ASZ1: variants seen among roughly 807,000 people sequenced by gnomAD.
The protein encoded by ASZ1 is ankyrin repeat, SAM and basic leucine zipper domain containing 1, also known as ankyrin repeat, SAM and basic leucine zipper domain-containing protein 1.
A neutral mutation model predicts 61.8 loss-of-function variants in ASZ1; 67 were observed. That is an observed-to-expected ratio of 1.08 (90% CI 0.89 to 1.33). ASZ1 has a LOEUF of 1.33. Among genes scored for constraint, ASZ1 ranks in the 40% most tolerant of loss-of-function variants. The pLI is 0.00. For synonymous variants in ASZ1, 193 were observed against 192.7 expected (o/e 1.00, Z -0.01); for missense variants, 577 against 554.5 (o/e 1.04, Z -0.41).
At chr7:117,369,609 C>G (rs888272353) in intron 10 of ASZ1, among the ~76,000 whole-genome samples, 1 of 152,128 alleles carries the variant, frequency 6.6e-6, no homozygotes, top group African/African-American at 2.4e-5. Flanking sequence ...GGCAGTCTTA[C>G]TGTGGGGAGG....
At chr7:117,389,289 T>C (rs114887451) in intron 4 of ASZ1, among the ~76,000 whole-genome samples, 274 of 152,190 alleles carry the variant, frequency 1.8e-3, no homozygotes, top group African/African-American at 5.8e-3. Context: ...GTAGTGAATA[T>C]AGTACCTAAT....
At chr7:117,379,852 A>G (rs1796216389) in intron 10 of ASZ1, 86 bp downstream of exon 10, 1 of 847,474 alleles carries the variant, frequency 1.2e-6, no homozygotes, top group South Asian at 2.0e-5. Flanking sequence ...ATCAAGTAAA[A>G]TGACTCAGAC....
Position 117,426,878 on chromosome 7 carries a change from T to C in ASZ1, c.163A>G (p.Thr55Ala). The part of the protein sequence containing the change: ...EKKEKFKKAM[T>A]IGDVSLVQEL... ...TGGACCAATGAAACATCTCCGATGG[T>C]CATTGCTTTCTTAAATTTTTCTTTC... The change falls in exon 2 of 13, where the codon ACC becomes GCC. Residue 55 changes from threonine to alanine, a missense_variant. Transcript: ENST00000284629. 6.2e-7 allele frequency: 1 copy of C among 1,613,370 alleles called. No individual in the cohort carries two copies. Among genetic ancestry groups the C allele is most frequent in the African/African-American group, 1.3e-5 (1 of 74,968 alleles).
chr7:117,378,609 A>G (rs531153324), intron 10 of ASZ1, among the ~76,000 whole-genome samples: 2 of 152,088 alleles, frequency 1.3e-5, no homozygotes, highest in Non-Finnish European at 2.9e-5. Flanking sequence ...ATTCTGGAAA[A>G]CAGTTGGGCA....
At chr7:117,387,324 A>G (rs974072821) in intron 4 of ASZ1, among the ~76,000 whole-genome samples, 3 of 151,494 alleles carry the variant, frequency 2.0e-5, no homozygotes, top group African/African-American at 7.3e-5. Context: ...CAACAACAAC[A>G]ACAACAACAA....
chr7:117,373,973 T>C (rs1158407882), intron 10 of ASZ1, among the ~76,000 whole-genome samples: 1 of 152,128 alleles, frequency 6.6e-6, no homozygotes, highest in African/African-American at 2.4e-5. Flanking sequence ...TCCTCACAAG[T>C]GAAATCCTTC....
rs754875854 is a variant in ASZ1 at position 117,381,070 on chromosome 7, G to A, written c.889-3C>T. The stretch of plus-strand genomic sequence containing the variant: ...TGTCTTAACGTTATATCCCTTTCCT[G>A]TATAAAAGGAAAAAAAGGCCACCTT... On this transcript the variant is annotated splice_polypyrimidine_tract_variant and splice_region_variant and intron_variant, in intron 8 of 12. Coordinates refer to ENST00000284629, the MANE Select transcript of ASZ1 (RefSeq NM_130768.3). The A allele has an allele frequency of 2.0e-5, 31 of 1,557,472 alleles. 1 individual carries two copies. The South Asian group carries it at 3.1e-4, about 16-fold the overall frequency.
chr7:117,412,169 G>A (rs1212562045), intron 4 of ASZ1, among the ~76,000 whole-genome samples: 4 of 151,388 alleles, frequency 2.6e-5, no homozygotes, highest in East Asian at 1.9e-4. Flanking sequence ...CTATCCTGGG[G>A]CAGAGAATTT....
intron 4 of ASZ1, among the ~76,000 whole-genome samples, chr7:117,403,478 G>A (rs1360970244): frequency 7.9e-5 from 12 of 152,090 alleles, no homozygotes; most frequent in African/African-American, 2.4e-5. Flanking sequence ...TTGTGTTACC[G>A]TGATTATGTT....
chr7:117,410,415 G>A (rs4571678), intron 4 of ASZ1, among the ~76,000 whole-genome samples: 18,482 of 151,384 alleles, frequency 0.12, 2,552 homozygotes, highest in African/African-American at 0.34. Flanking sequence ...TCTTAATAGC[G>A]TAACTCAAAA....
intron 4 of ASZ1, among the ~76,000 whole-genome samples, chr7:117,392,095 A>G (rs1213282865): frequency 6.6e-6 from 1 of 152,106 alleles, no homozygotes; most frequent in Non-Finnish European, 1.5e-5. Context: ...GCCCGGCCTC[A>G]TATGACTTTT....
At chr7:117,377,087 G>C (rs1352820772) in intron 10 of ASZ1, among the ~76,000 whole-genome samples, 1 of 152,278 alleles carries the variant, frequency 6.6e-6, no homozygotes, top group East Asian at 1.9e-4. Context: ...GAAATGTACA[G>C]TCGAGACACA....
intron 4 of ASZ1, among the ~76,000 whole-genome samples, chr7:117,403,793 G>A (rs1261086488): frequency 6.6e-6 from 1 of 152,144 alleles, no homozygotes; most frequent in Non-Finnish European, 1.5e-5. Context: ...CTGGTCTGTG[G>A]CCTGTTAGGA....
chr7:117,403,200 T>C (rs1796712941), intron 4 of ASZ1, among the ~76,000 whole-genome samples: 1 of 152,250 alleles, frequency 6.6e-6, no homozygotes, highest in South Asian at 2.1e-4. Flanking sequence ...AAACGTTACG[T>C]ACCAAGCACC....
intron 4 of ASZ1, among the ~76,000 whole-genome samples, chr7:117,392,374 T>C (rs1796487468): frequency 6.6e-6 from 1 of 152,224 alleles, no homozygotes; most frequent in South Asian, 2.1e-4. Flanking sequence ...GCAGTGTTTT[T>C]CAGTTCTCCT....
chr7:117,418,601 C>A (rs1049281702), intron 4 of ASZ1, among the ~76,000 whole-genome samples: 1 of 151,306 alleles, frequency 6.6e-6, no homozygotes, highest in African/African-American at 2.4e-5. Context: ...TGCAGTGAGC[C>A]AAGATCGTGC....
intron 4 of ASZ1, among the ~76,000 whole-genome samples, chr7:117,415,763 AAC>A (rs1796978769): frequency 6.6e-6 from 1 of 152,200 alleles, no homozygotes; most frequent in South Asian, 2.1e-4. Context: ...TGAAATATAA[AAC>A]AACAACAAAA....
Position 117,420,020 on chromosome 7 carries a change from T to C in ASZ1, c.440+143A>G, listed in dbSNP as rs549986185. The C allele has an allele frequency of 2.8e-4, 153 of 551,300 alleles. 2 individuals are homozygous for C. In the East Asian group the frequency reaches 3.5e-3, roughly 13 times the overall value. 34.2% of individuals were successfully genotyped at this position (551,300 alleles called of 1,614,324 possible). On this transcript the variant is annotated intron_variant, in intron 4 of 12. Transcript: ENST00000284629. ...ATATCCCCTTCCTCTGATAATCTTA[T>C]AGAATTGGAACAATGACCTTATGAA...
At chr7:117,379,383 AAAT>A (rs1335853380) in intron 10 of ASZ1, among the ~76,000 whole-genome samples, 1 of 151,522 alleles carries the variant, frequency 6.6e-6, no homozygotes, top group Non-Finnish European at 1.5e-5. Flanking sequence ...AAATTTTTAA[AAAT>A]CATTTATTGC....
Sources: allele counts gnomAD v4.1 joint callset (sites outside exome capture counted in the v4.1 genomes callset), GRCh38; gene constraint gnomAD v4.1.1; transcripts MANE v1.5; gene names NCBI Gene and HGNC (gene_info 2026-07-23, HGNC 2026-07-21).